Variants in DPP10 observed in about 807,000 individuals in gnomAD.
The protein encoded by DPP10 is inactive dipeptidyl peptidase 10.
A neutral mutation model predicts 120.9 loss-of-function variants in DPP10; 33 were observed. The observed-to-expected ratio is 0.27, with a 90% CI of 0.21 to 0.37. The LOEUF (loss-of-function observed/expected upper bound fraction) is 0.37, where lower values mean the gene tolerates loss of function less well. Among genes scored for constraint, DPP10 ranks in the 10% least tolerant of loss-of-function variants. The pLI, the probability that DPP10 is intolerant of heterozygous loss-of-function variation, is 1.00. For synonymous variants in DPP10, 337 were observed against 326.1 expected (o/e 1.03, Z -0.36); for missense variants, 816 against 942.8 (o/e 0.87, Z 1.76).
At chr2:115,084,676 C>T (rs1357490425) in intron 1 of DPP10, among the ~76,000 whole-genome samples, 2 of 152,194 alleles carry the variant, frequency 1.3e-5, no homozygotes, top group African/African-American at 2.4e-5. Context: ...TGAAATCTCT[C>T]CCAGCAGCTA....
chr2:114,515,855 A>C (rs1684555423), intron 1 of DPP10, among the ~76,000 whole-genome samples: 1 of 151,380 alleles, frequency 6.6e-6, no homozygotes, highest in Non-Finnish European at 1.5e-5. Flanking sequence ...AGTCCCCAAG[A>C]TGTTTCACTT....
intron 2 of DPP10, among the ~76,000 whole-genome samples, chr2:115,341,411 C>T (rs570794833): frequency 1.4e-4 from 22 of 152,228 alleles, no homozygotes; most frequent in South Asian, 2.1e-4. Context: ...ATCAACATCC[C>T]GCACCAGAGT....
intron 5 of DPP10, among the ~76,000 whole-genome samples, chr2:115,541,903 T>C (rs1358466571): frequency 6.6e-6 from 1 of 151,938 alleles, no homozygotes; most frequent in Non-Finnish European, 1.5e-5. Flanking sequence ...TTACATTTTA[T>C]TTCACTTTTA....
chr2:115,341,780 C>G (rs1251765741), intron 2 of DPP10, among the ~76,000 whole-genome samples: 1 of 57,510 alleles, frequency 1.7e-5, no homozygotes, highest in African/African-American at 5.0e-5. Context: ...GGCTTGATAG[C>G]TCATTTTTTT....
intron 1 of DPP10, among the ~76,000 whole-genome samples, chr2:114,939,611 T>C (rs911181001): frequency 3.3e-5 from 5 of 152,154 alleles, no homozygotes; most frequent in African/African-American, 1.2e-4. Flanking sequence ...ACCCAAGATA[T>C]AGTTAAAATC....
At chr2:115,129,414 C>T (rs181753526) in intron 1 of DPP10, among the ~76,000 whole-genome samples, 24 of 152,200 alleles carry the variant, frequency 1.6e-4, no homozygotes, top group East Asian at 5.8e-4. Context: ...TGTTTATTTC[C>T]GAAGCACTTA....
intron 1 of DPP10, among the ~76,000 whole-genome samples, chr2:114,456,734 T>C (rs1264686574): frequency 6.6e-6 from 1 of 152,220 alleles, no homozygotes; most frequent in East Asian, 1.9e-4. Context: ...ATTTCAGGCA[T>C]TTAAAGTACT....
At chr2:114,487,824 A>G (rs1246359951) in intron 1 of DPP10, among the ~76,000 whole-genome samples, 1 of 152,236 alleles carries the variant, frequency 6.6e-6, no homozygotes, top group Non-Finnish European at 1.5e-5. Context: ...CTAAATATCA[A>G]TATCTAAAAA....
intron 1 of DPP10, among the ~76,000 whole-genome samples, chr2:114,653,922 T>C (rs971185633): frequency 6.6e-6 from 1 of 152,184 alleles, no homozygotes; most frequent in Non-Finnish European, 1.5e-5. Flanking sequence ...CTCGCTTTTC[T>C]AGATAGGCAT....
At chr2:115,405,861 C>T (rs2068469196) in intron 3 of DPP10, among the ~76,000 whole-genome samples, 1 of 152,164 alleles carries the variant, frequency 6.6e-6, no homozygotes, top group African/African-American at 2.4e-5. Flanking sequence ...CACAACATTC[C>T]ACCCTTGGAG....
At chr2:115,003,680 C>T (rs558726596) in intron 1 of DPP10, among the ~76,000 whole-genome samples, 120 of 152,142 alleles carry the variant, frequency 7.9e-4, no homozygotes, top group African/African-American at 2.8e-3. Flanking sequence ...TGAAAGCTTA[C>T]ATAATTCTCA....
intron 1 of DPP10, among the ~76,000 whole-genome samples, chr2:115,307,047 C>T (rs1462171687): frequency 6.6e-6 from 1 of 152,048 alleles, no homozygotes; most frequent in Non-Finnish European, 1.5e-5. Flanking sequence ...AACTAGAACT[C>T]CAGCTCTCCT....
chr2:115,134,137 A>C (rs1295013918), intron 1 of DPP10, among the ~76,000 whole-genome samples: 1 of 152,214 alleles, frequency 6.6e-6, no homozygotes, highest in East Asian at 1.9e-4. Flanking sequence ...TAACATTAGG[A>C]AAAAGATCTT....
At chr2:115,840,166 A>G (rs1018999501) in intron 24 of DPP10, among the ~76,000 whole-genome samples, 1 of 151,724 alleles carries the variant, frequency 6.6e-6, no homozygotes, top group African/African-American at 2.4e-5. Flanking sequence ...AATACTATCC[A>G]GTAAAGTAAA....
intron 5 of DPP10, among the ~76,000 whole-genome samples, chr2:115,675,704 C>G (rs1276132326): frequency 6.6e-6 from 1 of 152,140 alleles, no homozygotes; most frequent in Non-Finnish European, 1.5e-5. Flanking sequence ...GCCCTAAGTT[C>G]ACCAGAGGGA....
intron 7 of DPP10, among the ~76,000 whole-genome samples, chr2:115,715,884 A>T (rs1241380388): frequency 2.0e-5 from 3 of 152,216 alleles, no homozygotes; most frequent in Non-Finnish European, 4.4e-5. Context: ...CTATTTTTCC[A>T]GGAAGTCTAC....
At chr2:114,924,947 C>T (rs2104455038) in intron 1 of DPP10, among the ~76,000 whole-genome samples, 1 of 152,306 alleles carries the variant, frequency 6.6e-6, no homozygotes, top group African/African-American at 2.4e-5. Flanking sequence ...CACGGTGGCT[C>T]ACGCCAGTAA....
At chr2:114,920,511 C>G (rs1011562342) in intron 1 of DPP10, among the ~76,000 whole-genome samples, 6 of 152,204 alleles carry the variant, frequency 3.9e-5, no homozygotes, top group African/African-American at 1.4e-4. Context: ...GTTTAATTAA[C>G]TAGTGGAGGA....
intron 7 of DPP10, among the ~76,000 whole-genome samples, chr2:115,719,457 G>T (rs1223184857): frequency 6.6e-6 from 1 of 152,242 alleles, no homozygotes; most frequent in East Asian, 1.9e-4. Flanking sequence ...TGAATGAGTT[G>T]TTCTATGTCT....
Sources: allele counts gnomAD v4.1 joint callset (sites outside exome capture counted in the v4.1 genomes callset), GRCh38; gene constraint gnomAD v4.1.1; transcripts MANE v1.5; gene names NCBI Gene and HGNC (gene_info 2026-07-23, HGNC 2026-07-21).